The following BCR variants were observed in gnomAD, a reference collection of about 807,000 sequenced individuals.
BCR encodes the protein BCR activator of RhoGEF and GTPase, also known as breakpoint cluster region protein.
Under a neutral mutation model 138.6 loss-of-function variants are expected in BCR, and 58 were observed. The observed-to-expected ratio is 0.42, with a 90% confidence interval of 0.34 to 0.52. The LOEUF (loss-of-function observed/expected upper bound fraction) is 0.52. Ranked by LOEUF, BCR falls within the 20% of genes least tolerant of loss-of-function variation. The pLI, the probability that BCR is intolerant of heterozygous loss-of-function variation, is 0.06. For synonymous variants in BCR, 786 were observed against 730.1 expected, an observed-to-expected ratio of 1.08 and a Z score of -1.23; for missense variants, 1,599 against 1,727.2, an observed-to-expected ratio of 0.93 and a Z score of 1.32.
At chr22:23,295,740 C>CTGCCTGGGCCCTCTGTCCTTCAGAAGCT (rs1433611140) in intron 16 of BCR, among the ~76,000 whole-genome samples, 2 of 152,114 alleles carry the variant, frequency 1.3e-5, no homozygotes, top group Non-Finnish European at 2.9e-5. Flanking sequence ...CTTAAGGAGA[C>CTGCCTGGGCCCTCTGTCCTTCAGAAGCT]TGCCTGGGCC....
In BCR at chr22:23,314,749, G is replaced by A. The variant is rs200728624; in HGVS notation, c.3726+35G>A. The A allele has an allele frequency of 1.3e-3, 2,077 of 1,606,268 alleles. 10 individuals carry two copies. Among genetic ancestry groups the A allele is most frequent in the South Asian group, 1.5e-3 (133 of 90,770 alleles). On this transcript the variant is annotated intron_variant, in intron 22 of 22. Coordinates refer to ENST00000305877, the MANE Select transcript of BCR (RefSeq NM_004327.4). ...GACAGGCTCCAGCCCATGCAACCCT[G>A]ACCTGACAGAGGTGGCCTCTGCCTG...
chr22:23,268,358 T>A (rs768187713), intron 4 of BCR, 50 bp from the exon 5 acceptor site: 2 of 1,448,680 alleles, frequency 1.4e-6, no homozygotes, highest in Non-Finnish European at 1.9e-6. Flanking sequence ...TTCAGAAAGA[T>A]GGGGGAGCAG....
intron 1 of BCR, among the ~76,000 whole-genome samples, chr22:23,252,056 A>G (rs751472287): frequency 1.3e-5 from 2 of 152,232 alleles, no homozygotes; most frequent in Non-Finnish European, 2.9e-5. Flanking sequence ...ATTACTCTGT[A>G]TAACCAGATA....
rs150904442 is a variant in BCR at position 23,222,539 on chromosome 22, AT to A, written c.1280-31256del. 7.0e-3 allele frequency among the ~76,000 whole-genome samples: 1,071 copies of A among 152,296 alleles called. 16 individuals carry two copies. Among genetic ancestry groups the A allele is most frequent in the African/African-American group, 0.024 (1,009 of 41,544 alleles). On this transcript the variant is annotated intron_variant, in intron 1 of 22. Transcript: ENST00000305877. ...CGAGGAAGGAGGCAGAGGAGTGTAG[AT>A]TTTGTAGAGAAGGCTAAGAGAGGGT...
chr22:23,206,960 T>G (rs951722111), intron 1 of BCR, among the ~76,000 whole-genome samples: 1 of 53,440 alleles, frequency 1.9e-5, no homozygotes, highest in Non-Finnish European at 3.9e-5. Flanking sequence ...CCTCCCTCCC[T>G]CCCTCCCTCC....
chr22:23,282,807 G>A (rs185283668), intron 8 of BCR, among the ~76,000 whole-genome samples: 13 of 152,338 alleles, frequency 8.5e-5, no homozygotes, highest in African/African-American at 2.4e-4. Context: ...CAGGGCGGGC[G>A]TCGTCCTCCC....
At chr22:23,191,166 A>G (rs2072408776) in intron 1 of BCR, among the ~76,000 whole-genome samples, 1 of 152,214 alleles carries the variant, frequency 6.6e-6, no homozygotes, top group Non-Finnish European at 1.5e-5. Context: ...CCTGGCCTCA[A>G]ACGATCCTTC....
At chr22:23,203,909 G>T (rs530292772) in intron 1 of BCR, among the ~76,000 whole-genome samples, 226 of 152,326 alleles carry the variant, frequency 1.5e-3, no homozygotes, top group African/African-American at 5.2e-3. Flanking sequence ...GGCAGAAAAG[G>T]ATTTCTACAA....
intron 8 of BCR, among the ~76,000 whole-genome samples, chr22:23,279,338 G>A (rs2073615452): frequency 6.6e-6 from 1 of 152,228 alleles, no homozygotes; most frequent in Non-Finnish European, 1.5e-5. Flanking sequence ...CAGGTGAGAG[G>A]GAGGGAAGGG....
At position 23,301,500 on chromosome 22, in the gene BCR, C is replaced by T. The variant is rs367626825; in HGVS notation, c.3012+6345C>T. ...CCCTCCAGCAATGTGTCCCATACCC[C>T]GTCCCATGAATCTTGGATGGATGTT... On this transcript the variant is annotated intron_variant, in intron 16 of 22. Transcript: ENST00000305877. Among the ~76,000 whole-genome samples the T allele has an allele frequency of 1.5e-3, 236 of 152,320 alleles. 3 individuals are homozygous for T. The South Asian group carries it at 0.024, about 15-fold the overall frequency.
At chr22:23,282,714 G>T (rs2073662393) in intron 8 of BCR, among the ~76,000 whole-genome samples, 1 of 152,206 alleles carries the variant, frequency 6.6e-6, no homozygotes, top group Admixed American at 6.5e-5. Context: ...GATGAGGACA[G>T]GTGCACCGCC....
chr22:23,194,042 G>A (rs1037821589), intron 1 of BCR, among the ~76,000 whole-genome samples: 5 of 152,222 alleles, frequency 3.3e-5, no homozygotes, highest in Non-Finnish European at 7.3e-5. Context: ...GCTCAGAGCC[G>A]CCGTCTGACT....
intron 1 of BCR, among the ~76,000 whole-genome samples, chr22:23,225,914 A>AT (rs757217557): frequency 5.9e-5 from 9 of 152,134 alleles, no homozygotes; most frequent in Non-Finnish European, 1.2e-4. Context: ...CAGTGGCCTT[A>AT]TTTTTACACT....
Position 23,300,466 on chromosome 22 carries a change from C to A in BCR, c.3012+5311C>A, listed in dbSNP as rs568387477. Among the ~76,000 whole-genome samples the A allele has an allele frequency of 1.3e-5, 2 of 152,222 alleles. 1 individual carries two copies. The highest frequency in any genetic ancestry group is 2.9e-5 in the Non-Finnish European group (2 of 68,044). On this transcript the variant is annotated intron_variant, in intron 16 of 22. Coordinates refer to ENST00000305877, the MANE Select transcript of BCR (RefSeq NM_004327.4). ...CAGCAGGTGGACGCCTGGGTTCTTTCCAGTCTGAGGCTGGCATGGTCAGTG... is the reference window on the plus strand; with the variant it reads ...CAGCAGGTGGACGCCTGGGTTCTTTACAGTCTGAGGCTGGCATGGTCAGTG...
chr22:23,297,500 A>G (rs1323707098), intron 16 of BCR, among the ~76,000 whole-genome samples: 1 of 152,028 alleles, frequency 6.6e-6, no homozygotes. Flanking sequence ...AGGTAGAGGG[A>G]GCAGACTGCA....
intron 8 of BCR, among the ~76,000 whole-genome samples, chr22:23,278,492 C>T (rs1348078383): frequency 2.6e-5 from 4 of 152,140 alleles, no homozygotes; most frequent in Middle Eastern, 3.4e-3. Flanking sequence ...TTTGGGAGGC[C>T]GAGGCGGGTG....
chr22:23,284,117 C>A lies in BCR; in HGVS notation c.2237+19C>A. The A allele has an allele frequency of 1.2e-6, 2 of 1,611,516 alleles. No individual in the cohort carries two copies. The highest frequency in any genetic ancestry group is 8.5e-7 in the Non-Finnish European group (1 of 1,179,164). On this transcript the variant is annotated intron_variant, in intron 9 of 22. Coordinates refer to ENST00000305877, the MANE Select transcript of BCR (RefSeq NM_004327.4). ...GCGGAGGGTGAGTGACGATGTGGCC[C>A]CTGTCCCAGCAGTGACCCCACCCTG...
At chr22:23,214,480 A>G (rs979578512) in intron 1 of BCR, among the ~76,000 whole-genome samples, 9 of 152,228 alleles carry the variant, frequency 5.9e-5, no homozygotes, top group Non-Finnish European at 1.3e-4. Flanking sequence ...TGCTCTTGGC[A>G]GCCCCAGCCT....
At chr22:23,286,552 G>A (rs77049423) in intron 10 of BCR, among the ~76,000 whole-genome samples, 2,328 of 152,276 alleles carry the variant, frequency 0.015, 87 homozygotes, top group Non-Finnish European at 0.014. Flanking sequence ...CCTATTGACT[G>A]TTACTGTTGC....
Sources: allele counts gnomAD v4.1 joint callset (sites outside exome capture counted in the v4.1 genomes callset), GRCh38; gene constraint gnomAD v4.1.1; transcripts MANE v1.5; gene names NCBI Gene and HGNC (gene_info 2026-07-23, HGNC 2026-07-21).